Variants in ERCC6L2 observed in about 807,000 individuals in gnomAD.
The protein encoded by ERCC6L2 is DNA excision repair protein ERCC-6-like 2.
In ERCC6L2, 77 loss-of-function variants were observed where a neutral mutation model predicts 132.0. That is an observed-to-expected ratio of 0.58 (90% confidence interval 0.49 to 0.71). The LOEUF (loss-of-function observed/expected upper bound fraction) is 0.71, where lower values mean the gene tolerates loss of function less well. Ranked by LOEUF, ERCC6L2 falls within the 30% of genes least tolerant of loss-of-function variation. The pLI is 0.00. For synonymous variants in ERCC6L2, 583 were observed against 632.4 expected (o/e 0.92, Z 1.17); for missense variants, 1,542 against 1,837.6 (o/e 0.84, Z 2.94).
intron 12 of ERCC6L2, among the ~76,000 whole-genome samples, chr9:95,942,001 T>C (rs1435988939): frequency 7.2e-5 from 11 of 152,108 alleles, no homozygotes; most frequent in Admixed American, 7.2e-4. Flanking sequence ...TTCTGGGAAA[T>C]TGATAATGTC....
At chr9:95,977,679 G>A (rs974019230) in intron 16 of ERCC6L2, among the ~76,000 whole-genome samples, 1 of 151,212 alleles carries the variant, frequency 6.6e-6, no homozygotes, top group Non-Finnish European at 1.5e-5. Flanking sequence ...CTGTAATCAA[G>A]TACATGTTTA....
chr9:95,968,058 T>C (rs1371330230), intron 14 of ERCC6L2: 3 of 152,196 alleles, frequency 2.0e-5, no homozygotes, highest in African/African-American at 7.2e-5. Flanking sequence ...GATGACAGGT[T>C]ATTAAGTAGA....
chr9:95,907,338 G>GCTTTT, intron 4 of ERCC6L2, 67 bp downstream of exon 4: 1 of 546,176 alleles, frequency 1.8e-6, no homozygotes, highest in Non-Finnish European at 2.6e-6. Context: ...TATATTAAGA[G>GCTTTT]TTTTTTTTTT....
intron 17 of ERCC6L2, among the ~76,000 whole-genome samples, chr9:95,986,443 A>G (rs1238755544): frequency 2.0e-5 from 3 of 150,764 alleles, no homozygotes; most frequent in Non-Finnish European, 2.9e-5. Flanking sequence ...TCATTTCCTC[A>G]CACAGATGTA....
Position 95,953,574 on chromosome 9 carries a change from C to CAA in ERCC6L2, c.1848-2326_1848-2325dup, listed in dbSNP as rs556745003. On this transcript the variant is annotated intron_variant, in intron 12 of 18. Coordinates refer to ENST00000653738, the MANE Select transcript of ERCC6L2 (RefSeq NM_020207.7). ...TGGGAGACAGAGTGAGACTCTGTCT[C>CAA]AAAAAAAAAAAAAAACAATGAAATT... Among the ~76,000 whole-genome samples, 135 of 85,918 alleles carry CAA rather than the reference C, an allele frequency of 1.6e-3. 1 individual carries two copies. The South Asian group carries it at 0.016, about 10-fold the overall frequency. 56.4% of individuals were successfully genotyped at this position (85,918 alleles called of 152,430 possible).
At chr9:95,892,959 TC>T (rs1828249290) in intron 2 of ERCC6L2, among the ~76,000 whole-genome samples, 1 of 152,240 alleles carries the variant, frequency 6.6e-6, no homozygotes, top group Non-Finnish European at 1.5e-5. Flanking sequence ...TGGATACAAA[TC>T]TGTTCATTCA....
chr9:95,879,140 A>G (rs1055891761), intron 1 of ERCC6L2, among the ~76,000 whole-genome samples: 2 of 151,684 alleles, frequency 1.3e-5, no homozygotes, highest in Non-Finnish European at 2.9e-5. Context: ...AAGTGTTCCT[A>G]TTTCTCCACA....
At chr9:96,037,729 G>A (rs1564314874) in intron 19 of ERCC6L2, among the ~76,000 whole-genome samples, 1 of 152,190 alleles carries the variant, frequency 6.6e-6, no homozygotes, top group Admixed American at 6.5e-5. Context: ...GGGCAAGGAT[G>A]AAGGATGAGT....
chr9:95,964,701 T>G (rs912429310), intron 13 of ERCC6L2, among the ~76,000 whole-genome samples: 3 of 152,196 alleles, frequency 2.0e-5, no homozygotes, highest in African/African-American at 7.2e-5. Flanking sequence ...AAGCATTTTC[T>G]CCCTTGTATG....
Position 96,026,907 on chromosome 9 carries a change from CCAAA to C in ERCC6L2, c.*1504-11966_*1504-11963del, listed in dbSNP as rs535606810. On this transcript the variant is annotated intron_variant and NMD_transcript_variant, in intron 19 of 20. Transcript: ENST00000670016. The stretch of plus-strand genomic sequence containing the variant: ...CACACATACCACAACACACACTACA[CCAAA>C]CACACCACACGCACACACCCCACAC... Among the ~76,000 whole-genome samples, 66 of 119,036 alleles carry C rather than the reference CCAAA, an allele frequency of 5.5e-4. No homozygotes were observed. The South Asian group carries it at 0.01, about 19-fold the overall frequency. The allele number at this position is 119,036 out of a possible 152,430, so 78.1% of individuals were successfully genotyped here. A position where few individuals can be genotyped will look rare whatever the true frequency, so the allele number is the denominator to read the frequency against.
At position 95,918,009 on chromosome 9, in the gene ERCC6L2, A is replaced by G. The variant is rs562679945; in HGVS notation, c.1158+1575A>G. The G allele has an allele frequency of 2.8e-4, 46 of 163,902 alleles. 1 individual carries two copies. In the South Asian group the frequency reaches 7.7e-3, roughly 28 times the overall value. 10.2% of individuals were successfully genotyped at this position (163,902 alleles called of 1,614,324 possible). A position where few individuals can be genotyped will look rare whatever the true frequency, so the allele number is the denominator to read the frequency against. The stretch of plus-strand genomic sequence containing the variant: ...TACTTTTATATTTAAGGTTGGGGTC[A>G]GGCTGTACTAAATATTTTATATAAA... On this transcript the variant is annotated intron_variant, in intron 6 of 18. Coordinates refer to ENST00000653738, the MANE Select transcript of ERCC6L2 (RefSeq NM_020207.7).
At chr9:95,979,007 A>G (rs1832786054) in intron 17 of ERCC6L2, among the ~76,000 whole-genome samples, 2 of 152,242 alleles carry the variant, frequency 1.3e-5, no homozygotes, top group African/African-American at 2.4e-5. Flanking sequence ...TACCTTAACA[A>G]TAAAACCAGA....
chr9:96,000,088 C>T (rs1833611865), intron 17 of ERCC6L2, among the ~76,000 whole-genome samples: 1 of 152,062 alleles, frequency 6.6e-6, no homozygotes, highest in Non-Finnish European at 1.5e-5. Context: ...GAGGTTTCAC[C>T]ATGTTGGCCA....
chr9:95,896,930 A>T (rs1167413745), intron 2 of ERCC6L2, among the ~76,000 whole-genome samples: 2 of 152,122 alleles, frequency 1.3e-5, no homozygotes, highest in African/African-American at 4.8e-5. Flanking sequence ...TTATTTCTTC[A>T]GATACTTCTG....
At chr9:96,019,352 C>T (rs1249560219), downstream of ERCC6L2, among the ~76,000 whole-genome samples, 1 of 152,146 alleles carries the variant, frequency 6.6e-6, no homozygotes, top group Middle Eastern at 3.2e-3. Context: ...GCCCCCTCTG[C>T]TTGCCTCCCA....
At chr9:95,887,848 T>G (rs1419672367) in intron 2 of ERCC6L2, among the ~76,000 whole-genome samples, 2 of 152,120 alleles carry the variant, frequency 1.3e-5, no homozygotes, top group African/African-American at 4.8e-5. Flanking sequence ...AAGAGAAAAA[T>G]AATATTGTCT....
Position 95,945,181 on chromosome 9 carries a change from C to T in ERCC6L2, c.1847+3632C>T, listed in dbSNP as rs564194395. 1.8e-3 allele frequency among the ~76,000 whole-genome samples: 269 copies of T among 152,246 alleles called. 1 individual carries two copies. The Middle Eastern group carries it at 0.027, about 15-fold the overall frequency. The stretch of plus-strand genomic sequence containing the variant: ...CACCTGAAGCGGCCATTTCAGAGGC[C>T]TACCCTCAGGGATGCATTCTCTTTC... On this transcript the variant is annotated intron_variant, in intron 12 of 18. Transcript: ENST00000653738.
intron 17 of ERCC6L2, among the ~76,000 whole-genome samples, chr9:95,998,091 A>G (rs967819314): frequency 6.6e-6 from 1 of 152,100 alleles, no homozygotes; most frequent in African/African-American, 2.4e-5. Context: ...TTCTGGCCAT[A>G]TACACCTTTT....
rs1287220333 is a variant in ERCC6L2 at position 96,013,927 on chromosome 9, A to G, written c.*724A>G. 1 of 152,198 alleles carries G rather than the reference A, an allele frequency of 6.6e-6. No individual in the cohort carries two copies. Among genetic ancestry groups the G allele is most frequent in the Non-Finnish European group, 1.5e-5 (1 of 68,026 alleles). 9.4% of individuals were successfully genotyped at this position (152,198 alleles called of 1,614,324 possible). Reference sequence around the variant, plus strand: ...TGATTTAATGTAAATAAAGGTTTGTATAGTACTTTTGTAGTTCTTAAGTAT... The same window carrying G: ...TGATTTAATGTAAATAAAGGTTTGTGTAGTACTTTTGTAGTTCTTAAGTAT... On this transcript the variant is annotated 3_prime_UTR_variant, in exon 19 of 19. Coordinates refer to ENST00000653738, the MANE Select transcript of ERCC6L2 (RefSeq NM_020207.7).
Sources: allele counts gnomAD v4.1 joint callset (sites outside exome capture counted in the v4.1 genomes callset), GRCh38; gene constraint gnomAD v4.1.1; transcripts MANE v1.5; gene names NCBI Gene and HGNC (gene_info 2026-07-23, HGNC 2026-07-21).